The following LPCAT4 variants were observed in gnomAD, a reference collection of about 807,000 sequenced individuals.
LPCAT4 encodes lysophospholipid acyltransferase LPCAT4.
In LPCAT4, 30 loss-of-function variants were observed where a neutral mutation model predicts 66.5. The ratio of observed to expected loss-of-function variants is 0.45; its 90% confidence interval spans 0.34 to 0.61. The LOEUF (loss-of-function observed/expected upper bound fraction) is 0.61. LPCAT4 is among the 20% of genes least tolerant of loss of function. The pLI, the probability that LPCAT4 is intolerant of heterozygous loss-of-function variation, is 0.01. For missense variants in LPCAT4, 557 were observed against 656.7 expected, an observed-to-expected ratio of 0.85 and a Z score of 1.66; for synonymous variants, 253 against 262.1, an observed-to-expected ratio of 0.97 and a Z score of 0.34.
At chr15:34,359,902 T>C (rs1213731117) in intron 12 of LPCAT4, 157 bp from the exon 13 acceptor site, 5 of 857,760 alleles carry the variant, frequency 5.8e-6, no homozygotes, top group South Asian at 5.4e-5. Context: ...GTAGACTTTA[T>C]AGCTTTTTCC....
intron 11 of LPCAT4, 32 bp downstream of exon 11, chr15:34,361,368 T>C: frequency 6.2e-7 from 1 of 1,613,702 alleles, no homozygotes; most frequent in Non-Finnish European, 8.5e-7. Flanking sequence ...GAAGCCTGGG[T>C]TCTGCTCTGC....
chr15:34,359,963 G>C, intron 12 of LPCAT4, 148 bp downstream of exon 12: 2 of 810,800 alleles, frequency 2.5e-6, no homozygotes, highest in Non-Finnish European at 4.0e-6. Flanking sequence ...AGAGGCCGGG[G>C]GTCTGCAGTT....
Position 34,362,570 on chromosome 15 carries a change from C to T in LPCAT4, c.884+3G>A, listed in dbSNP as rs371159008. Reference sequence around the variant, plus strand: ...TCCAGGAAATAGTTTGTGGGGCACTCACTGTGCCATGACCCTCTGAACATT... The same window carrying T: ...TCCAGGAAATAGTTTGTGGGGCACTTACTGTGCCATGACCCTCTGAACATT... On this transcript the variant is annotated splice_donor_region_variant and intron_variant, in intron 9 of 13. Transcript: ENST00000314891. 249 of 1,544,680 alleles carry T rather than the reference C, an allele frequency of 1.6e-4. No homozygotes were observed. The highest frequency in any genetic ancestry group is 2.0e-4 in the Non-Finnish European group (225 of 1,144,586).
chr15:34,360,090 A>G, intron 12 of LPCAT4, 21 bp downstream of exon 12: 9 of 935,954 alleles, frequency 9.6e-6, no homozygotes, highest in Non-Finnish European at 1.5e-5. Context: ...AGCACCCCCC[A>G]CCACCGCCAC....
In LPCAT4 at chr15:34,365,050, C is replaced by G. The variant is rs1042834584; in HGVS notation, c.436G>C (p.Val146Leu). Residue 146 changes from valine (V) to leucine (L), a missense_variant, in exon 3 of 14, where the codon GTT becomes CTT. Around this residue, in one of 4 missense-constraint regions of LPCAT4, gnomAD observed 6 missense variants for 27.9 expected, o/e 0.22. Transcript: ENST00000314891. ...GAAAGGTTCTCAGCTCGGGACACAA[C>G]TTTGGGCAGGTCACAGGGCAGCAGA... Reference protein sequence around the residue: ...IVLLPCDLPKVVSRAENLSVP... With the variant: ...IVLLPCDLPKLVSRAENLSVP... 6.2e-7 allele frequency: 1 copy of G among 1,614,004 alleles called. No homozygotes were observed. The highest frequency in any genetic ancestry group is 1.3e-5 in the African/African-American group (1 of 74,930).
chr15:34,367,119 G>T lies in LPCAT4; in HGVS notation c.-19C>A. The T allele has an allele frequency of 6.5e-7, 1 of 1,526,994 alleles. No individual in the cohort carries two copies. Among genetic ancestry groups the T allele is most frequent in the Non-Finnish European group, 8.8e-7 (1 of 1,135,932 alleles). The allele number at this position is 1,526,994 out of a possible 1,614,324, so 94.6% of individuals were successfully genotyped here. A position where few individuals can be genotyped will look rare whatever the true frequency, so the allele number is the denominator to read the frequency against. On this transcript the variant is annotated 5_prime_UTR_variant, in exon 1 of 14. Coordinates refer to ENST00000314891, the MANE Select transcript of LPCAT4 (RefSeq NM_153613.3). Reference sequence around the variant, plus strand: ...GGCTCATGGCGGGAGAAGGTGGGAGGGAGGGCACCCCGGCCCTGGCCCCGG... The same window carrying T: ...GGCTCATGGCGGGAGAAGGTGGGAGTGAGGGCACCCCGGCCCTGGCCCCGG...
rs1164136232 is a variant in LPCAT4 at position 34,359,116 on chromosome 15, G to A, written c.*11C>T. On this transcript the variant is annotated 3_prime_UTR_variant, in exon 14 of 14. Transcript: ENST00000314891. The stretch of plus-strand genomic sequence containing the variant: ...CTGCCCTGAGGAGGAGGGGGTGAGA[G>A]GCTGAGGCACTCAGTCTCCCTTCTG... 2 of 1,596,946 alleles carry A rather than the reference G, an allele frequency of 1.3e-6. No individual in the cohort carries two copies. Among genetic ancestry groups the A allele is most frequent in the African/African-American group, 1.3e-5 (1 of 74,644 alleles).
At chr15:34,360,388 T>A (rs1890915124) in intron 11 of LPCAT4, among the ~76,000 whole-genome samples, 179 bp from the exon 12 acceptor site, 1 of 152,228 alleles carries the variant, frequency 6.6e-6, no homozygotes, top group African/African-American at 2.4e-5. Flanking sequence ...GTCATAGGCT[T>A]TCTCAAGCTA....
intron 9 of LPCAT4, 80 bp downstream of exon 9, chr15:34,362,493 G>A: frequency 6.9e-7 from 1 of 1,449,832 alleles, no homozygotes; most frequent in Non-Finnish European, 9.4e-7. Context: ...ATCTTTGCCT[G>A]AAAACCTCGC....
chr15:34,364,512 C>G, intron 3 of LPCAT4: 1 of 459,848 alleles, frequency 2.2e-6, no homozygotes, highest in Non-Finnish European at 3.9e-6. Flanking sequence ...CAAACTCCAC[C>G]TCCTGGGTTC....
intron 10 of LPCAT4, 64 bp from the exon 11 acceptor site, chr15:34,361,596 G>T (rs1890944321): frequency 1.3e-6 from 2 of 1,598,112 alleles, no homozygotes; most frequent in African/African-American, 1.3e-5. Context: ...CCATCAGCAG[G>T]ACTTCAGCCC....
intron 11 of LPCAT4, 107 bp downstream of exon 11, chr15:34,361,293 C>T (rs1890936085): frequency 1.3e-6 from 2 of 1,534,440 alleles, no homozygotes; most frequent in African/African-American, 1.4e-5. Context: ...GCTGTGAGAA[C>T]ATCCACTGAG....
rs143068595 is a variant in LPCAT4 at position 34,363,454 on chromosome 15, G to A, written c.714C>T (p.Asp238=). 1.1e-5 allele frequency: 18 copies of A among 1,613,964 alleles called. No homozygotes were observed. Among genetic ancestry groups the A allele is most frequent in the Middle Eastern group, 3.3e-4 (2 of 6,082 alleles). The change falls in exon 7 of 14, where the codon GAC becomes GAT. Residue 238 remains aspartate (D), a splice_region_variant and synonymous_variant. Coordinates refer to ENST00000314891, the MANE Select transcript of LPCAT4 (RefSeq NM_153613.3). This position sits in a 1 kb window ranked among gnomAD's most constrained non-coding sequence, Gnocchi z 4.3. ...GACCCCTCCATGCCCAGCTGGTGGT[G>A]TCCTATGGGAGAAACACAGGTGAGG... ...PVLIRYPNSL[D]TTSWAWRGPG...
In LPCAT4 at chr15:34,364,032, A is replaced by C; in HGVS notation, c.633T>G (p.Ala211=). The change falls in exon 5 of 14, where the codon GCT becomes GCG. Residue 211 remains alanine (A), a synonymous_variant. Transcript: ENST00000314891. ...ATTCACCTGGTTTGAACTTAAGCAA[A>C]GCCTTCTTGTTGGAACAGGTGCCCT... is the stretch of plus-strand genomic sequence containing the variant. ...FPEGTCSNKK[A]LLKFKPGAFI... 5 of 1,613,074 alleles carry C rather than the reference A, an allele frequency of 3.1e-6. No homozygotes were observed. The highest frequency in any genetic ancestry group is 1.7e-5 in the Admixed American group (1 of 60,006).
At chr15:34,360,071 T>G (rs369220144) in intron 12 of LPCAT4, 40 bp downstream of exon 12, 3 of 1,493,740 alleles carry the variant, frequency 2.0e-6, no homozygotes, top group Non-Finnish European at 2.8e-6. Flanking sequence ...GGGGTGAGCA[T>G]AGCCACTAAG....
At chr15:34,360,061 G>A (rs375251672) in intron 12 of LPCAT4, 50 bp downstream of exon 12, 31 of 1,434,404 alleles carry the variant, frequency 2.2e-5, no homozygotes, top group South Asian at 1.4e-4. Context: ...CTCCTGGAGC[G>A]GGGTGAGCAT....
rs1418659905 is a variant in LPCAT4, at chr15:34,359,188, G to A, written c.1514C>T (p.Pro505Leu). The change falls in exon 14 of 14, where the codon CCA becomes CTA. Residue 505 changes from proline (P) to leucine (L), a missense_variant. Physicochemically the swap from Pro to Leu is moderately conservative, Grantham distance 98. This residue lies in a region of LPCAT4 where 392 missense variants were observed against 473.9 expected (regional missense o/e 0.83). Coordinates refer to ENST00000314891, the MANE Select transcript of LPCAT4 (RefSeq NM_153613.3). ...GTSQTPNASS[P>L]GNPTALANGT... The stretch of plus-strand genomic sequence containing the variant: ...ATTGGCCAGAGCAGTGGGGTTGCCT[G>A]GGGATGAGGCATTTGGTGTCTGGGA... 1.2e-6 allele frequency: 2 copies of A among 1,605,860 alleles called. No homozygotes were observed. Among genetic ancestry groups the A allele is most frequent in the Non-Finnish European group, 1.7e-6 (2 of 1,176,534 alleles).
At chr15:34,362,933 G>T (rs190431262) in intron 7 of LPCAT4, 97 bp from the exon 8 acceptor site, 3 of 1,230,910 alleles carry the variant, frequency 2.4e-6, no homozygotes, top group Non-Finnish European at 3.5e-6. Flanking sequence ...CAGGTGGGGA[G>T]TGGGAAAAGT....
Position 34,362,841 on chromosome 15 carries a change from G to A in LPCAT4, c.747-5C>T. The A allele has an allele frequency of 1.2e-6, 2 of 1,614,060 alleles. No homozygotes were observed. The highest frequency in any genetic ancestry group is 1.7e-6 in the Non-Finnish European group (2 of 1,179,926). On this transcript the variant is annotated splice_polypyrimidine_tract_variant and splice_region_variant and intron_variant, in intron 7 of 13. Transcript: ENST00000314891. The stretch of plus-strand genomic sequence containing the variant: ...GTGAGCCAGAGGACTTTGAGTCTAA[G>A]AGAAGAGAGATTTCGATACTCACCA...
Sources: gnomAD v4.1 joint callset for allele counts (sites outside exome capture counted in the v4.1 genomes callset) on GRCh38, gnomAD v4.1.1 for gene constraint, gnomAD v4.1.1 regional missense constraint, Gnocchi (gnomAD v3.1) non-coding constraint, MANE v1.5 for transcripts, NCBI Gene and HGNC (gene_info 2026-07-23, HGNC 2026-07-21) for gene names.